The following CDK14 variants were observed in gnomAD, a reference collection of about 807,000 sequenced individuals.
The protein encoded by CDK14 is cyclin-dependent kinase 14.
A neutral mutation model predicts 60.7 loss-of-function variants in CDK14; 34 were observed. That is an observed-to-expected ratio of 0.56 (90% CI 0.43 to 0.75). The LOEUF is 0.75. Ranked by LOEUF, CDK14 falls within the 30% of genes least tolerant of loss-of-function variation. The probability of loss-of-function intolerance (pLI) is 0.00; values close to 1 mark genes in which losing one functional copy is unlikely to be tolerated. For synonymous variants in CDK14, 197 were observed against 203.7 expected (o/e 0.97, Z 0.28); for missense variants, 482 against 564.1 (o/e 0.85, Z 1.47).
At chr7:90,812,097 C>A (rs1789145255) in intron 5 of CDK14, among the ~76,000 whole-genome samples, 1 of 152,128 alleles carries the variant, frequency 6.6e-6, no homozygotes, top group South Asian at 2.1e-4. Context: ...TACCATTTGA[C>A]CCAGCCATCC....
intron 4 of CDK14, among the ~76,000 whole-genome samples, chr7:90,757,205 T>C (rs911340214): frequency 3.5e-5 from 5 of 142,110 alleles, no homozygotes; most frequent in Admixed American, 1.5e-4. Context: ...CATGGCATTC[T>C]TCCAGTGTGT....
At chr7:91,171,085 C>T (rs573770341) in intron 14 of CDK14, among the ~76,000 whole-genome samples, 4 of 152,248 alleles carry the variant, frequency 2.6e-5, no homozygotes, top group East Asian at 3.9e-4. Context: ...TGCAGTGGCT[C>T]ACACCTGTAA....
intron 4 of CDK14, among the ~76,000 whole-genome samples, chr7:90,771,172 C>T (rs573360503): frequency 6.6e-6 from 1 of 152,298 alleles, no homozygotes; most frequent in Admixed American, 6.5e-5. Flanking sequence ...CTTTCTTTCC[C>T]CATGCAATTG....
intron 3 of CDK14, among the ~76,000 whole-genome samples, chr7:90,741,207 A>G (rs533255983): frequency 6.6e-6 from 1 of 152,206 alleles, no homozygotes; most frequent in East Asian, 1.9e-4. Context: ...TGCCACAGTC[A>G]TTCTTCCATT....
At chr7:90,621,090 C>T (rs540921183) in intron 2 of CDK14, among the ~76,000 whole-genome samples, 1 of 152,262 alleles carries the variant, frequency 6.6e-6, no homozygotes, top group South Asian at 2.1e-4. Flanking sequence ...AAGGAAACAG[C>T]GTTCACATAT....
chr7:90,614,294 C>T (rs758474662), intron 2 of CDK14, among the ~76,000 whole-genome samples: 11 of 152,150 alleles, frequency 7.2e-5, no homozygotes, highest in Admixed American at 3.3e-4. Context: ...CATAAGCCAC[C>T]GTCCCCGGCC....
At chr7:91,086,175 G>A (rs1223230784) in intron 12 of CDK14, among the ~76,000 whole-genome samples, 1 of 152,122 alleles carries the variant, frequency 6.6e-6, no homozygotes, top group African/African-American at 2.4e-5. Context: ...CAGAGATCTT[G>A]CTTTTTATTT....
intron 12 of CDK14, among the ~76,000 whole-genome samples, chr7:91,087,737 T>A (rs1028460856): frequency 6.6e-6 from 1 of 152,126 alleles, no homozygotes; most frequent in Admixed American, 6.6e-5. Context: ...CACTCCTACA[T>A]AGAGTCCCCA....
intron 5 of CDK14, among the ~76,000 whole-genome samples, chr7:90,859,059 G>T (rs1042603785): frequency 6.6e-6 from 1 of 152,132 alleles, no homozygotes; most frequent in Non-Finnish European, 1.5e-5. Context: ...TTTTTAGTGT[G>T]CAAAACTAAG....
intron 3 of CDK14, among the ~76,000 whole-genome samples, chr7:90,727,843 C>T (rs1802698856): frequency 6.6e-6 from 1 of 151,990 alleles, no homozygotes; most frequent in Non-Finnish European, 1.5e-5. Context: ...ATAAGGCGTC[C>T]TTTTCTGAGA....
chr7:91,050,978 TACTGA>T (rs1230533467), intron 11 of CDK14, among the ~76,000 whole-genome samples: 1 of 152,220 alleles, frequency 6.6e-6, no homozygotes, highest in Non-Finnish European at 1.5e-5. Flanking sequence ...AATAGCATTC[TACTGA>T]ATGTGCATCA....
chr7:90,999,703 G>A (rs1055975166), intron 10 of CDK14, among the ~76,000 whole-genome samples: 7 of 152,144 alleles, frequency 4.6e-5, no homozygotes, highest in African/African-American at 1.7e-4. Flanking sequence ...GGTTAAAATG[G>A]CAGCATTCGC....
intron 4 of CDK14, among the ~76,000 whole-genome samples, chr7:90,769,013 C>T (rs766158069): frequency 3.3e-5 from 5 of 152,070 alleles, no homozygotes; most frequent in Admixed American, 6.5e-5. Flanking sequence ...TAGACAGTTA[C>T]TAATCAGTGA....
At chr7:91,057,951 T>C (rs1246944414) in intron 11 of CDK14, among the ~76,000 whole-genome samples, 3 of 152,076 alleles carry the variant, frequency 2.0e-5, no homozygotes, top group South Asian at 2.1e-4. Context: ...AGAAAGTCAT[T>C]GGTAGCTTGA....
At chr7:90,636,486 A>C (rs1371762358) in intron 2 of CDK14, among the ~76,000 whole-genome samples, 1 of 151,888 alleles carries the variant, frequency 6.6e-6, no homozygotes, top group Non-Finnish European at 1.5e-5. Context: ...GATGAAGCCC[A>C]CTTGATCATG....
intron 11 of CDK14, among the ~76,000 whole-genome samples, chr7:91,072,438 A>T (rs1184760821): frequency 2.0e-5 from 3 of 152,174 alleles, no homozygotes; most frequent in Admixed American, 6.5e-5. Context: ...GAGGGACCTG[A>T]CCATTGAAAG....
At chr7:90,793,861 T>C (rs1805933062) in intron 5 of CDK14, among the ~76,000 whole-genome samples, 2 of 152,294 alleles carry the variant, frequency 1.3e-5, no homozygotes, top group South Asian at 4.1e-4. Context: ...TGACAAACTG[T>C]ATGGTCCCCC....
chr7:90,725,295 T>G (rs1346328227), intron 2 of CDK14, among the ~76,000 whole-genome samples: 1 of 152,164 alleles, frequency 6.6e-6, no homozygotes, highest in Non-Finnish European at 1.5e-5. Context: ...AATAGTTTGG[T>G]GGTGTGTTTT....
intron 7 of CDK14, among the ~76,000 whole-genome samples, chr7:90,899,698 G>T (rs1194530756): frequency 6.6e-6 from 1 of 152,016 alleles, no homozygotes; most frequent in African/African-American, 2.4e-5. Flanking sequence ...TGTACCAGTT[G>T]GTTTCAACAT....
Sources: allele counts gnomAD v4.1 joint callset (sites outside exome capture counted in the v4.1 genomes callset), GRCh38; gene constraint gnomAD v4.1.1; transcripts MANE v1.5; gene names NCBI Gene and HGNC (gene_info 2026-07-23, HGNC 2026-07-21).